Variants in NLRC3 observed in about 807,000 individuals in gnomAD.
The protein encoded by NLRC3 is NLR family CARD domain-containing protein 3.
A neutral mutation model predicts 91.6 loss-of-function variants in NLRC3; 87 were observed. The ratio of observed to expected loss-of-function variants is 0.95; its 90% confidence interval spans 0.80 to 1.14. The LOEUF (loss-of-function observed/expected upper bound fraction) is 1.14. Among genes scored for constraint, NLRC3 ranks in the 50% most tolerant of loss-of-function variants. The pLI, the probability that NLRC3 is intolerant of heterozygous loss-of-function variation, is 0.00. For synonymous variants in NLRC3, 694 were observed against 625.3 expected, an observed-to-expected ratio of 1.11 and a Z score of -1.64; for missense variants, 1,577 against 1,418.6, an observed-to-expected ratio of 1.11 and a Z score of -1.79.
At position 3,564,788 on chromosome 16, in the gene NLRC3, G is replaced by C; in HGVS notation, c.179-30C>G. 1 of 1,566,150 alleles carries C rather than the reference G, an allele frequency of 6.4e-7. No individual in the cohort carries two copies. Among genetic ancestry groups the C allele is most frequent in the Non-Finnish European group, 8.6e-7 (1 of 1,159,016 alleles). ...GGGACAGAGGCCAGTGGGGAGGTCT[G>C]GTAAGGGAAGAGTGGGCACAATCAG... On this transcript the variant is annotated intron_variant, in intron 4 of 19. Coordinates refer to ENST00000359128, the MANE Select transcript of NLRC3 (RefSeq NM_178844.4). The surrounding 1 kb of genome is among the most constrained non-coding windows in gnomAD (Gnocchi z 5.9).
At chr16:3,571,557 A>G (rs1567156029) in intron 1 of NLRC3, among the ~76,000 whole-genome samples, 1 of 151,438 alleles carries the variant, frequency 6.6e-6, no homozygotes, top group Non-Finnish European at 1.5e-5. Context: ...AAAAAAAAAA[A>G]AAAAGCAGAA....
chr16:3,567,908 C>G (rs1033015343), intron 1 of NLRC3, among the ~76,000 whole-genome samples: 18 of 151,240 alleles, frequency 1.2e-4, no homozygotes, highest in African/African-American at 3.9e-4. Flanking sequence ...CTGTGTTGCC[C>G]AGGCTGGAGT....
chr16:3,576,395 C>T (rs895740827), intron 1 of NLRC3, among the ~76,000 whole-genome samples: 1 of 152,222 alleles, frequency 6.6e-6, no homozygotes, highest in African/African-American at 2.4e-5. Context: ...CTCATGACCT[C>T]GCCCCTCCTG....
In NLRC3 at chr16:3,563,250, G is replaced by T; in HGVS notation, c.1687C>A (p.Arg563=). ...AGGCAGTGCAACACGTTGATGGCCC[G>T]TGCACAGACTGCGGCATCGGGGCGC... ...CLRPDAAVCA[R]AINVLHCLHE... Residue 563 remains arginine (R), a synonymous_variant, in exon 5 of 20, where the codon CGG becomes AGG. Coordinates refer to ENST00000359128, the MANE Select transcript of NLRC3 (RefSeq NM_178844.4). The T allele has an allele frequency of 6.2e-7, 1 of 1,606,176 alleles. No homozygotes were observed.
At chr16:3,569,405 T>TG in intron 1 of NLRC3, among the ~76,000 whole-genome samples, 1 of 106,730 alleles carries the variant, frequency 9.4e-6, no homozygotes, top group Non-Finnish European at 1.9e-5. Context: ...TTATTTTTTT[T>TG]TTTTTTTTTT....
At position 3,564,653 on chromosome 16, in the gene NLRC3, C is replaced by T. The variant is rs762476701; in HGVS notation, c.284G>A (p.Gly95Asp). Residue 95 changes from glycine (G) to aspartate (D), a missense_variant, in exon 5 of 20, where the codon GGC becomes GAC. Coordinates refer to ENST00000359128, the MANE Select transcript of NLRC3 (RefSeq NM_178844.4). The surrounding 1 kb of genome is among the most constrained non-coding windows in gnomAD (Gnocchi z 5.9). The stretch of plus-strand genomic sequence containing the variant: ...TTCCCTCAGCTGCAGGTCCGTCAGG[C>T]CCTCCACCAGCAGGAGGGAGGCCAG... ...HRLASLLLVEGLTDLQLREHD... is the reference protein window; with the variant it reads ...HRLASLLLVEDLTDLQLREHD... 3 of 1,606,102 alleles carry T rather than the reference C, an allele frequency of 1.9e-6. No homozygotes were observed. Among genetic ancestry groups the T allele is most frequent in the Admixed American group, 1.7e-5 (1 of 59,962 alleles).
intron 10 of NLRC3, among the ~76,000 whole-genome samples, 176 bp downstream of exon 10, chr16:3,552,020 T>C (rs1373322434): frequency 6.6e-6 from 1 of 150,870 alleles, no homozygotes; most frequent in African/African-American, 2.4e-5. Flanking sequence ...CATCCATCCA[T>C]CCATTTACCT....
At chr16:3,558,960 C>T (rs1202769964) in intron 6 of NLRC3, among the ~76,000 whole-genome samples, 2 of 152,084 alleles carry the variant, frequency 1.3e-5, no homozygotes, top group African/African-American at 4.8e-5. Flanking sequence ...TTTGCAGAGA[C>T]AGGGTTTTAC....
chr16:3,572,334 G>A (rs2040127254), intron 1 of NLRC3, among the ~76,000 whole-genome samples: 1 of 151,516 alleles, frequency 6.6e-6, no homozygotes, highest in Non-Finnish European at 1.5e-5. Context: ...GGATCTCACT[G>A]TGTCACCCAG....
chr16:3,542,291 TG>T lies in NLRC3; in HGVS notation c.3024-18del. The T allele has an allele frequency of 6.7e-7, 1 of 1,496,724 alleles. No individual in the cohort carries two copies. Among genetic ancestry groups the T allele is most frequent in the Non-Finnish European group, 9.2e-7 (1 of 1,087,938 alleles). 92.7% of individuals were successfully genotyped at this position (1,496,724 alleles called of 1,614,324 possible). On this transcript the variant is annotated intron_variant, in intron 18 of 19. Transcript: ENST00000359128. Reference sequence around the variant, plus strand: ...TCTTGAAGACTAAGTGGAAAAGAGATGGAGACACACGGTGAGCCATCAGGGC... The same window carrying T: ...TCTTGAAGACTAAGTGGAAAAGAGATGAGACACACGGTGAGCCATCAGGGC...
At chr16:3,577,028 C>T in intron 1 of NLRC3, 121 bp downstream of exon 1, 1 of 689,572 alleles carries the variant, frequency 1.5e-6, no homozygotes, top group East Asian at 2.7e-5. Flanking sequence ...TTCTTGGAGT[C>T]TCGTGGAGTC....
chr16:3,546,421 G>A (rs1341969544), intron 15 of NLRC3, among the ~76,000 whole-genome samples: 2 of 151,688 alleles, frequency 1.3e-5, no homozygotes, highest in Non-Finnish European at 2.9e-5. Flanking sequence ...GCTGGGCGTG[G>A]TGTTGGGCAC....
Position 3,563,851 on chromosome 16 carries a change from C to T in NLRC3, c.1086G>A (p.Glu362=). Residue 362 remains glutamate (E), a synonymous_variant, in exon 5 of 20, where the codon GAG becomes GAA. Coordinates refer to ENST00000359128, the MANE Select transcript of NLRC3 (RefSeq NM_178844.4). ...CCATCCTAAAGTACCATGAGTAGAG[C>T]TCGCACAGGGTCCTCGGGGGCCACA... The part of the protein sequence containing the change: ...AELWPPRTLC[E]LYSWYFRMAL... The T allele has an allele frequency of 6.2e-7, 1 of 1,606,086 alleles. No individual in the cohort carries two copies. Among genetic ancestry groups the T allele is most frequent in the Non-Finnish European group, 8.5e-7 (1 of 1,175,820 alleles).
At chr16:3,550,352 C>A in intron 11 of NLRC3, 62 bp downstream of exon 11, 1 of 1,126,742 alleles carries the variant, frequency 8.9e-7, no homozygotes, top group South Asian at 1.3e-5. Context: ...TCAGGACTGC[C>A]GGCCCACTAT....
At chr16:3,570,853 G>A (rs180818877) in intron 1 of NLRC3, among the ~76,000 whole-genome samples, 4 of 152,244 alleles carry the variant, frequency 2.6e-5, no homozygotes, top group South Asian at 2.1e-4. Flanking sequence ...GGAGCCACTG[G>A]GGGGAGTGAC....
chr16:3,552,038 C>G (rs1026618700), intron 10 of NLRC3, among the ~76,000 whole-genome samples, 158 bp downstream of exon 10: 2 of 151,726 alleles, frequency 1.3e-5, no homozygotes, highest in Non-Finnish European at 2.9e-5. Flanking sequence ...CCTAGCCACC[C>G]ATCCACCTAG....
intron 2 of NLRC3, among the ~76,000 whole-genome samples, chr16:3,566,941 A>AAGAT (rs1197680226): frequency 6.6e-6 from 1 of 152,094 alleles, no homozygotes; most frequent in East Asian, 1.9e-4. Context: ...AAGGAAATAA[A>AAGAT]AGATAGAAGA....
In NLRC3 at chr16:3,542,004, C is replaced by G. The variant is rs1340171714; in HGVS notation, c.3108-89G>C. ...ACAATAGAAAATGCAGGACCCCATGCAAAGCCTTTGTGCTTCTAGGATCCC... is the reference window on the plus strand; with the variant it reads ...ACAATAGAAAATGCAGGACCCCATGGAAAGCCTTTGTGCTTCTAGGATCCC... On this transcript the variant is annotated intron_variant, in intron 19 of 19. Coordinates refer to ENST00000359128, the MANE Select transcript of NLRC3 (RefSeq NM_178844.4). 20 of 864,700 alleles carry G rather than the reference C, an allele frequency of 2.3e-5. No individual in the cohort carries two copies. In the Admixed American group the frequency reaches 4.1e-4, roughly 18 times the overall value. The allele number at this position is 864,700 out of a possible 1,614,324, so 53.6% of individuals were successfully genotyped here. A position where few individuals can be genotyped will look rare whatever the true frequency, so the allele number is the denominator to read the frequency against.
chr16:3,550,403 G>C lies in NLRC3; in HGVS notation c.2435+11C>G. 6.3e-7 allele frequency: 1 copy of C among 1,588,800 alleles called. No individual in the cohort carries two copies. On this transcript the variant is annotated intron_variant, in intron 11 of 19. Transcript: ENST00000359128. ...CCCAGGGGGAATCGTCACCCTGGCA[G>C]GTGGACTCACTCCAGGCTCTCCAGG...
Sources: gnomAD v4.1 joint callset for allele counts (sites outside exome capture counted in the v4.1 genomes callset) on GRCh38, gnomAD v4.1.1 for gene constraint, Gnocchi (gnomAD v3.1) non-coding constraint, MANE v1.5 for transcripts, NCBI Gene and HGNC (gene_info 2026-07-23, HGNC 2026-07-21) for gene names.